AARS1: variants seen among roughly 807,000 people sequenced by gnomAD.
AARS1 encodes the protein alanine--tRNA ligase, cytoplasmic.
A neutral mutation model predicts 108.9 loss-of-function variants in AARS1; 72 were observed. The ratio of observed to expected loss-of-function variants is 0.66; its 90% confidence interval spans 0.55 to 0.80. The LOEUF (loss-of-function observed/expected upper bound fraction) is 0.80. AARS1 is among the 30% of genes least tolerant of loss of function. AARS1 has a pLI of 0.00. For synonymous variants in AARS1, 489 were observed against 465.7 expected (o/e 1.05, Z -0.64); for missense variants, 1,193 against 1,233.2 (o/e 0.97, Z 0.49).
rs191779998 is a variant in AARS1, at chr16:70,252,492, C to T, written c.*229G>A. On this transcript the variant is annotated 3_prime_UTR_variant, in exon 21 of 21. Coordinates refer to ENST00000261772, the MANE Select transcript of AARS1 (RefSeq NM_001605.3). ...CCGTTATCTATAGATGCGAGCGTGACGATCAACAGCAATGCGGGGTTAGTG... is the reference window on the plus strand; with the variant it reads ...CCGTTATCTATAGATGCGAGCGTGATGATCAACAGCAATGCGGGGTTAGTG... 5.1e-6 allele frequency: 3 copies of T among 583,528 alleles called. No individual in the cohort carries two copies. The African/African-American group carries it at 5.6e-5, about 11-fold the overall frequency. The allele number at this position is 583,528 out of a possible 1,614,324, so 36.1% of individuals were successfully genotyped here.
At chr16:70,283,291 C>T (rs544136456) in intron 1 of AARS1, among the ~76,000 whole-genome samples, 7 of 151,518 alleles carry the variant, frequency 4.6e-5, no homozygotes, top group Non-Finnish European at 1.0e-4. Flanking sequence ...CAGCTACTTG[C>T]GAGACTGAGG....
chr16:70,259,722 G>A (rs1960087750), intron 13 of AARS1, among the ~76,000 whole-genome samples: 1 of 151,754 alleles, frequency 6.6e-6, no homozygotes, highest in South Asian at 2.1e-4. Context: ...TTGGCCTCAA[G>A]CAATCCTCCC....
At chr16:70,267,101 G>A (rs1258183203) in intron 9 of AARS1, among the ~76,000 whole-genome samples, 2 of 152,184 alleles carry the variant, frequency 1.3e-5, no homozygotes, top group South Asian at 2.1e-4. Context: ...ATCCCAAAGT[G>A]CTAGGATTAC....
At chr16:70,288,448 C>T (rs1960924153) in intron 1 of AARS1, among the ~76,000 whole-genome samples, 2 of 151,796 alleles carry the variant, frequency 1.3e-5, no homozygotes. Context: ...CTTTTACTGT[C>T]TCACAGCCTC....
chr16:70,258,784 T>G (rs957467146), intron 14 of AARS1, among the ~76,000 whole-genome samples, 196 bp downstream of exon 14: 3 of 152,184 alleles, frequency 2.0e-5, no homozygotes, highest in African/African-American at 7.2e-5. Flanking sequence ...CTCAATCTCC[T>G]GACCTCGTGA....
chr16:70,265,462 C>T, intron 10 of AARS1, 76 bp downstream of exon 10: 1 of 1,605,528 alleles, frequency 6.2e-7, no homozygotes, highest in Non-Finnish European at 8.5e-7. Flanking sequence ...TGGAAGGAAA[C>T]TCATGCTCAG....
intron 6 of AARS1, among the ~76,000 whole-genome samples, chr16:70,269,995 T>C (rs1303933755): frequency 6.6e-6 from 1 of 152,016 alleles, no homozygotes; most frequent in African/African-American, 2.4e-5. Flanking sequence ...TTTTTTTTTG[T>C]AGTCAGCTAT....
intron 16 of AARS1, among the ~76,000 whole-genome samples, 180 bp downstream of exon 16, chr16:70,255,548 G>T (rs1388899706): frequency 6.6e-6 from 1 of 152,162 alleles, no homozygotes; most frequent in Non-Finnish European, 1.5e-5. Context: ...AGGAGATCTT[G>T]TGTGGTGGCA....
Position 70,270,333 on chromosome 16 carries a change from C to T in AARS1, c.679G>A (p.Asp227Asn). Residue 227 changes from aspartate (D) to asparagine (N), a missense_variant, in exon 6 of 21, where the codon GAT becomes AAT. Physicochemically the swap from Asp to Asn is conservative, Grantham distance 23. Transcript: ENST00000261772. Reference protein sequence around the residue: ...LVFIQYNREADGILKPLPKKS... With the variant: ...LVFIQYNREANGILKPLPKKS... ...TTGGGAAGAGGTTTCAGAATGCCAT[C>T]AGCTTCCCTGTATGATCCAGAAGAA... 6.2e-7 allele frequency: 1 copy of T among 1,614,170 alleles called. No individual in the cohort carries two copies.
chr16:70,279,215 T>TGG (rs374458655), intron 2 of AARS1, among the ~76,000 whole-genome samples: 1 of 149,074 alleles, frequency 6.7e-6, no homozygotes, highest in African/African-American at 2.5e-5. Flanking sequence ...ACAGGCATGG[T>TGG]GGGGGGGTGC....
Position 70,271,962 on chromosome 16 carries a change from T to C in AARS1, c.490A>G (p.Thr164Ala), listed in dbSNP as rs757711799. ...QIWQNLGLDDTKILPGNMKDN... is the reference protein window; with the variant it reads ...QIWQNLGLDDAKILPGNMKDN... ...TTCATGTTGCCTGGGAGGATTTTGG[T>C]GTCATCCAGCCTGACAAAGGAGTAA... The change falls in exon 5 of 21, where the codon ACC (threonine) becomes GCC (alanine). Residue 164 changes from threonine to alanine, a missense_variant. Physicochemically the swap from Thr to Ala is moderately conservative, Grantham distance 58 (BLOSUM62 0). Coordinates refer to ENST00000261772, the MANE Select transcript of AARS1 (RefSeq NM_001605.3). 13 of 1,613,928 alleles carry C rather than the reference T, an allele frequency of 8.1e-6. No homozygotes were observed. Among genetic ancestry groups the C allele is most frequent in the African/African-American group, 1.3e-5 (1 of 74,892 alleles).
chr16:70,272,888 T>TCA (rs1458700265), intron 4 of AARS1, among the ~76,000 whole-genome samples: 1 of 55,536 alleles, frequency 1.8e-5, no homozygotes, highest in African/African-American at 1.6e-4. Flanking sequence ...CCAGCCTGGG[T>TCA]GACACACACA....
At chr16:70,272,675 T>C (rs1052146260) in intron 4 of AARS1, among the ~76,000 whole-genome samples, 10 of 151,406 alleles carry the variant, frequency 6.6e-5, no homozygotes, top group African/African-American at 2.2e-4. Flanking sequence ...CACATAATAA[T>C]GAAAACGCTG....
intron 20 of AARS1, 87 bp downstream of exon 20, chr16:70,253,181 C>T (rs981473461): frequency 1.7e-6 from 2 of 1,169,470 alleles, no homozygotes; most frequent in Non-Finnish European, 2.5e-6. Context: ...GGCAGAAAGG[C>T]TGTTTCGAAT....
At chr16:70,256,432 G>A (rs2152152367) in intron 15 of AARS1, among the ~76,000 whole-genome samples, 2 of 152,192 alleles carry the variant, frequency 1.3e-5, no homozygotes, top group African/African-American at 4.8e-5. Context: ...AGCCACCCAA[G>A]TAGCTTGGAT....
chr16:70,279,821 G>C (rs955817190), intron 2 of AARS1, among the ~76,000 whole-genome samples: 29 of 152,190 alleles, frequency 1.9e-4, no homozygotes, highest in African/African-American at 6.3e-4. Context: ...CCCGTTGAAT[G>C]AGACCACCTA....
chr16:70,278,438 G>A (rs1410947076), intron 2 of AARS1, among the ~76,000 whole-genome samples: 1 of 151,488 alleles, frequency 6.6e-6, no homozygotes, highest in Admixed American at 6.6e-5. Context: ...GGTGGTGCAC[G>A]CCTGTAATTC....
At chr16:70,276,662 A>C (rs1960559954) in intron 3 of AARS1, 31 bp from the exon 4 acceptor site, 1 of 1,612,052 alleles carries the variant, frequency 6.2e-7, no homozygotes, top group East Asian at 2.2e-5. Flanking sequence ...AAGATATGGA[A>C]CATTGCCAAA....
At chr16:70,272,889 GACACAC>G (rs71928705) in intron 4 of AARS1, among the ~76,000 whole-genome samples, 3,699 of 140,374 alleles carry the variant, frequency 0.026, 62 homozygotes, top group Middle Eastern at 0.085. Flanking sequence ...CAGCCTGGGT[GACACAC>G]ACACACACAC....
Sources: allele counts gnomAD v4.1 joint callset (sites outside exome capture counted in the v4.1 genomes callset), GRCh38; gene constraint gnomAD v4.1.1; transcripts MANE v1.5; gene names NCBI Gene and HGNC (gene_info 2026-07-23, HGNC 2026-07-21).